FAM228A: variants seen among roughly 807,000 people sequenced by gnomAD.
FAM228A encodes the protein protein FAM228A.
In FAM228A, 13 loss-of-function variants were observed where a neutral mutation model predicts 18.6. The observed-to-expected ratio is 0.70, with a 90% CI of 0.45 to 1.11. The LOEUF is 1.11. FAM228A is among the 50% of genes least tolerant of loss of function. The pLI is 0.00. For synonymous variants in FAM228A, 77 were observed against 86.6 expected (o/e 0.89, Z 0.61); for missense variants, 240 against 242.2 (o/e 0.99, Z 0.06).
intron 2 of FAM228A, chr2:24,176,202 A>G: frequency 1.0e-6 from 1 of 984,478 alleles, no homozygotes; most frequent in Non-Finnish European, 1.2e-6. Flanking sequence ...CAATCTTACT[A>G]GGATGTTCTT....
At chr2:24,180,236 C>G (rs1667783632) in intron 3 of FAM228A, among the ~76,000 whole-genome samples, 1 of 145,204 alleles carries the variant, frequency 6.9e-6, no homozygotes, top group South Asian at 2.2e-4. Flanking sequence ...GGATGGATTG[C>G]TTGAGTCCAG....
intron 5 of FAM228A, among the ~76,000 whole-genome samples, chr2:24,184,363 G>C (rs1430909347): frequency 6.9e-6 from 1 of 145,658 alleles, no homozygotes; most frequent in African/African-American, 2.5e-5. Flanking sequence ...CTGGGCAACA[G>C]AGTGAGACAC....
chr2:24,191,640 G>A lies in FAM228A; in HGVS notation c.*1009G>A. The A allele has an allele frequency of 3.6e-6, 1 of 277,926 alleles. No homozygotes were observed. The highest frequency in any genetic ancestry group is 5.5e-6 in the Non-Finnish European group (1 of 182,838). The allele number at this position is 277,926 out of a possible 1,614,324, so 17.2% of individuals were successfully genotyped here. On this transcript the variant is annotated 3_prime_UTR_variant, in exon 6 of 6. Transcript: ENST00000295150. ...CATTTACTGTTTTCGTGTGTGTGGT[G>A]AGAATACTCACAATCTACTCTCTGA...
chr2:24,182,240 T>G (rs1667832331), intron 3 of FAM228A, among the ~76,000 whole-genome samples: 1 of 152,192 alleles, frequency 6.6e-6, no homozygotes, highest in Non-Finnish European at 1.5e-5. Flanking sequence ...CCACCTGATA[T>G]GACTGTTAAT....
intron 3 of FAM228A, among the ~76,000 whole-genome samples, chr2:24,178,586 G>C (rs536804453): frequency 1.3e-5 from 2 of 152,168 alleles, no homozygotes; most frequent in Non-Finnish European, 2.9e-5. Context: ...AAACAAAAAA[G>C]AATAAAACTT....
At position 24,183,464 on chromosome 2, in the gene FAM228A, G is replaced by C. The variant is rs1276248250; in HGVS notation, c.251-31G>C. On this transcript the variant is annotated intron_variant, in intron 4 of 5. Coordinates refer to ENST00000295150, the MANE Select transcript of FAM228A (RefSeq NM_001040710.3). ...CAAGAGCAACTGGAGTTCTTGAAGA[G>C]TGTTGATTTCGATTTTTTATCTTCC... 3.7e-6 allele frequency: 6 copies of C among 1,609,380 alleles called. No individual in the cohort carries two copies. In the East Asian group the frequency reaches 1.3e-4, roughly 36 times the overall value.
intron 3 of FAM228A, chr2:24,178,993 C>G: frequency 4.4e-6 from 1 of 227,892 alleles, no homozygotes; most frequent in Non-Finnish European, 8.6e-6. Flanking sequence ...GACTTTGCAA[C>G]CCGAATGTGG....
At chr2:24,190,349 C>G (rs1668050792) in intron 5 of FAM228A, 63 bp from the exon 6 acceptor site, 1 of 1,489,822 alleles carries the variant, frequency 6.7e-7, no homozygotes, top group South Asian at 1.4e-5. Flanking sequence ...TCTTCGGAAA[C>G]TATTTGATGG....
chr2:24,189,202 C>T (rs1002070848), intron 5 of FAM228A, among the ~76,000 whole-genome samples: 8 of 152,180 alleles, frequency 5.3e-5, no homozygotes, highest in African/African-American at 1.9e-4. Context: ...GATCAGCACT[C>T]CTCCACTGGA....
chr2:24,183,364 G>T lies in FAM228A; in HGVS notation c.242G>T (p.Cys81Phe). Residue 81 changes from cysteine to phenylalanine, a missense_variant, in exon 4 of 6, where the codon TGT becomes TTT. Cys to Phe is a radical substitution (Grantham distance 205). Coordinates refer to ENST00000295150, the MANE Select transcript of FAM228A (RefSeq NM_001040710.3). The stretch of plus-strand genomic sequence containing the variant: ...GAAGAGAGGAGAACTGGTCTTCAGT[G>T]TGAGACAGGTGCTTTGTGATCACTG... ...VDEERRTGLQ[C>F]ETGKRHSIKE... The T allele has an allele frequency of 6.2e-7, 1 of 1,613,740 alleles. No individual in the cohort carries two copies. Among genetic ancestry groups the T allele is most frequent in the Non-Finnish European group, 8.5e-7 (1 of 1,179,626 alleles).
Position 24,186,936 on chromosome 2 carries a change from G to A in FAM228A, c.401+3291G>A, listed in dbSNP as rs778578944. On this transcript the variant is annotated intron_variant, in intron 5 of 5. Transcript: ENST00000295150. Reference sequence around the variant, plus strand: ...TTACAGATGTGAGCCTCTGTGCCCCGCCTGTGGAAAATTACACTGACTCAT... The same window carrying A: ...TTACAGATGTGAGCCTCTGTGCCCCACCTGTGGAAAATTACACTGACTCAT... Among the ~76,000 whole-genome samples, 18 of 152,268 alleles carry A rather than the reference G, an allele frequency of 1.2e-4. No individual in the cohort carries two copies. The East Asian group carries it at 1.7e-3, about 15-fold the overall frequency.
Position 24,191,564 on chromosome 2 carries a change from C to T in FAM228A, c.*933C>T. ...AACGTGATGATTTGCTATAGGTATTCATTGTGAAATGTTTGCCACAGTCAA... is the reference window on the plus strand; with the variant it reads ...AACGTGATGATTTGCTATAGGTATTTATTGTGAAATGTTTGCCACAGTCAA... On this transcript the variant is annotated 3_prime_UTR_variant, in exon 6 of 6. Transcript: ENST00000295150. 4.4e-6 allele frequency: 4 copies of T among 905,770 alleles called. No homozygotes were observed. Among genetic ancestry groups the T allele is most frequent in the Non-Finnish European group, 5.3e-6 (4 of 756,844 alleles). 56.1% of individuals were successfully genotyped at this position (905,770 alleles called of 1,614,324 possible). A position where few individuals can be genotyped will look rare whatever the true frequency, so the allele number is the denominator to read the frequency against.
chr2:24,188,792 T>C (rs549956176), intron 5 of FAM228A: 113 of 390,318 alleles, frequency 2.9e-4, no homozygotes, highest in African/African-American at 2.5e-3. Flanking sequence ...TAGTAAATTT[T>C]CTGCTTTTTC....
intron 2 of FAM228A, chr2:24,175,980 T>G (rs975980056): frequency 4.9e-6 from 5 of 1,017,126 alleles, no homozygotes; most frequent in Non-Finnish European, 5.9e-6. Flanking sequence ...CCTTTTGCCC[T>G]AGTGGCGGTC....
chr2:24,190,721 A>C lies in FAM228A; in HGVS notation c.*90A>C. On this transcript the variant is annotated 3_prime_UTR_variant, in exon 6 of 6. Transcript: ENST00000295150. The stretch of plus-strand genomic sequence containing the variant: ...AAGGGTGTGAAGAGGAGGAGGGAGA[A>C]ATGGCGGTGGCCTCAGGCTCAGCAC... The C allele has an allele frequency of 7.0e-7, 1 of 1,436,482 alleles. No homozygotes were observed. The highest frequency in any genetic ancestry group is 9.2e-7 in the Non-Finnish European group (1 of 1,092,784). The allele number at this position is 1,436,482 out of a possible 1,614,324, so 89.0% of individuals were successfully genotyped here.
In FAM228A at chr2:24,183,650, A is replaced by C. The variant is rs779827967; in HGVS notation, c.401+5A>C. 7.5e-5 allele frequency: 118 copies of C among 1,575,876 alleles called. 2 individuals carry two copies. The highest frequency in any genetic ancestry group is 1.7e-4 in the Middle Eastern group (1 of 5,924). On this transcript the variant is annotated splice_donor_5th_base_variant and intron_variant, in intron 5 of 5. Coordinates refer to ENST00000295150, the MANE Select transcript of FAM228A (RefSeq NM_001040710.3). ...GAGTAAAACTTACAAATACAGGTAC[A>C]GATGAGCAGAACAAACAAATATTTG...
intron 2 of FAM228A, 167 bp downstream of exon 2, chr2:24,175,740 A>C: frequency 1.3e-6 from 1 of 756,222 alleles, no homozygotes; most frequent in Non-Finnish European, 2.1e-6. Flanking sequence ...GAGTGTGGCC[A>C]AGAGTGTTTC....
intron 5 of FAM228A, among the ~76,000 whole-genome samples, chr2:24,184,304 C>T (rs983810501): frequency 2.0e-5 from 3 of 151,152 alleles, no homozygotes; most frequent in Non-Finnish European, 1.5e-5. Context: ...CGCTTGAACT[C>T]GGGAAGCAGA....
chr2:24,175,366 A>T, intron 1 of FAM228A, 101 bp from the exon 2 acceptor site: 1 of 850,172 alleles, frequency 1.2e-6, no homozygotes, highest in Non-Finnish European at 1.9e-6. Flanking sequence ...CTCAGCTTTT[A>T]GAAAGGGGCC....
Sources: gnomAD v4.1 joint callset for allele counts (sites outside exome capture counted in the v4.1 genomes callset) on GRCh38, gnomAD v4.1.1 for gene constraint, MANE v1.5 for transcripts, NCBI Gene and HGNC (gene_info 2026-07-23, HGNC 2026-07-21) for gene names.